BICD1: variants seen among roughly 807,000 people sequenced by gnomAD.
BICD1 encodes BICD cargo adaptor 1.
Under a neutral mutation model 92.5 loss-of-function variants are expected in BICD1, and 35 were observed. That is an observed-to-expected ratio of 0.38 (90% confidence interval 0.29 to 0.50). The LOEUF (loss-of-function observed/expected upper bound fraction) is 0.50. Among genes scored for constraint, BICD1 ranks in the 20% least tolerant of loss-of-function variants. BICD1 has a pLI of 0.93. For synonymous variants in BICD1, 429 were observed against 465.1 expected, an observed-to-expected ratio of 0.92 and a Z score of 1.00; for missense variants, 950 against 1,189.8, an observed-to-expected ratio of 0.80 and a Z score of 2.97.
At chr12:32,317,579 A>T (rs966423900) in intron 4 of BICD1, among the ~76,000 whole-genome samples, 10 of 152,138 alleles carry the variant, frequency 6.6e-5, no homozygotes, top group Admixed American at 1.3e-4. Context: ...GTAAATTTGT[A>T]TGAGTTCATT....
At chr12:32,115,387 GT>G (rs4035442) in intron 1 of BICD1, among the ~76,000 whole-genome samples, 78,736 of 142,414 alleles carry the variant, frequency 0.55, 21,811 homozygotes, top group Middle Eastern at 0.67. Context: ...GGTGTTTTTG[GT>G]TTTTTTTTTT....
intron 8 of BICD1, among the ~76,000 whole-genome samples, chr12:32,366,188 A>G (rs1298656506): frequency 6.6e-6 from 1 of 152,268 alleles, no homozygotes; most frequent in Non-Finnish European, 1.5e-5. Context: ...GAGTTATGTA[A>G]CTATATAGGC....
At position 32,106,915 on chromosome 12, in the gene BICD1, A is replaced by T; in HGVS notation, c.-417A>T. 5.8e-6 allele frequency: 1 copy of T among 172,248 alleles called. No individual in the cohort carries two copies. The highest frequency in any genetic ancestry group is 1.2e-5 in the Non-Finnish European group (1 of 83,780). 10.7% of individuals were successfully genotyped at this position (172,248 alleles called of 1,614,324 possible). The stretch of plus-strand genomic sequence containing the variant: ...AGCGAGAGAGCGAGCCGCGAGCCGG[A>T]GCGCGCCAGACCCAGGGCGAGACTG... On this transcript the variant is annotated 5_prime_UTR_variant, in exon 1 of 10. Coordinates refer to ENST00000652176, the MANE Select transcript of BICD1 (RefSeq NM_001714.4).
intron 3 of BICD1, among the ~76,000 whole-genome samples, chr12:32,298,569 C>CAAAAAAAAAA (rs56382132): frequency 3.9e-5 from 3 of 77,808 alleles, no homozygotes; most frequent in Admixed American, 1.7e-4. Flanking sequence ...CGATCCACCT[C>CAAAAAAAAAA]AAAAAAAAAA....
chr12:32,232,037 G>T (rs999339542), intron 2 of BICD1, among the ~76,000 whole-genome samples: 3 of 150,970 alleles, frequency 2.0e-5, no homozygotes, highest in Non-Finnish European at 3.0e-5. Context: ...GAATAATGCC[G>T]CAATAAACAT....
At chr12:32,241,918 G>T (rs1277906545) in intron 2 of BICD1, among the ~76,000 whole-genome samples, 1 of 151,970 alleles carries the variant, frequency 6.6e-6, no homozygotes, top group East Asian at 1.9e-4. Flanking sequence ...CACAAGACGG[G>T]ACATGGTAAG....
intron 2 of BICD1, among the ~76,000 whole-genome samples, chr12:32,240,964 A>G (rs1230657542): frequency 6.6e-6 from 1 of 152,088 alleles, no homozygotes; most frequent in Non-Finnish European, 1.5e-5. Context: ...TCACCCATTC[A>G]TTTATTTTGC....
intron 2 of BICD1, among the ~76,000 whole-genome samples, chr12:32,275,969 C>T (rs1947264480): frequency 6.6e-6 from 1 of 152,012 alleles, no homozygotes; most frequent in South Asian, 2.1e-4. Flanking sequence ...ACGAGGCTTG[C>T]CACCATCTTG....
At chr12:32,197,587 A>G (rs1477511228) in intron 1 of BICD1, among the ~76,000 whole-genome samples, 1 of 152,234 alleles carries the variant, frequency 6.6e-6, no homozygotes, top group East Asian at 1.9e-4. Flanking sequence ...GATGCTTCAT[A>G]TAAAGGAGGG....
chr12:32,190,518 T>C (rs1325417092), intron 1 of BICD1, among the ~76,000 whole-genome samples: 1 of 152,128 alleles, frequency 6.6e-6, no homozygotes, highest in East Asian at 1.9e-4. Context: ...CACTATATAA[T>C]AATAAAGAGG....
intron 2 of BICD1, among the ~76,000 whole-genome samples, chr12:32,285,674 T>C (rs541851197): frequency 6.6e-6 from 1 of 152,304 alleles, no homozygotes; most frequent in Admixed American, 6.5e-5. Context: ...CATCTCAGGC[T>C]AATCCCCTCT....
At chr12:32,374,734 A>ATTTTTTTTT (rs1179747608) in intron 9 of BICD1, among the ~76,000 whole-genome samples, 784 of 80,060 alleles carry the variant, frequency 9.8e-3, no homozygotes, top group Non-Finnish European at 0.012. Context: ...CGCCCGGCTA[A>ATTTTTTTTT]TTTTTTTTTT....
At chr12:32,115,688 A>G (rs1941866534) in intron 1 of BICD1, among the ~76,000 whole-genome samples, 1 of 152,184 alleles carries the variant, frequency 6.6e-6, no homozygotes, top group African/African-American at 2.4e-5. Flanking sequence ...AACTGATGGA[A>G]TTTGGATGCC....
Position 32,337,411 on chromosome 12 carries a change from T to G in BICD1, c.2253-88T>G. 7.8e-7 allele frequency: 1 copy of G among 1,282,586 alleles called. No individual in the cohort carries two copies. The highest frequency in any genetic ancestry group is 2.2e-5 in the Admixed American group (1 of 45,694). The allele number at this position is 1,282,586 out of a possible 1,614,324, so 79.5% of individuals were successfully genotyped here. ...AAACCAGTCTTCTAAATTTCTAAATTTCGGTCAAATTTATTACTTTTCAGC... is the reference window on the plus strand; with the variant it reads ...AAACCAGTCTTCTAAATTTCTAAATGTCGGTCAAATTTATTACTTTTCAGC... On this transcript the variant is annotated intron_variant, in intron 6 of 9. Transcript: ENST00000652176. This position sits in a 1 kb window ranked among gnomAD's most constrained non-coding sequence, Gnocchi z 4.7.
At chr12:32,297,730 T>C (rs1239675352) in intron 3 of BICD1, among the ~76,000 whole-genome samples, 1 of 152,214 alleles carries the variant, frequency 6.6e-6, no homozygotes, top group South Asian at 2.1e-4. Flanking sequence ...TTATTTTTCT[T>C]TTAGTTATTT....
intron 1 of BICD1, among the ~76,000 whole-genome samples, chr12:32,122,503 A>C (rs934288083): frequency 5.4e-4 from 81 of 148,692 alleles, no homozygotes; most frequent in African/African-American, 1.9e-3. Context: ...AAAAAAAAAA[A>C]CAAATAACAA....
intron 2 of BICD1, among the ~76,000 whole-genome samples, chr12:32,222,419 A>G (rs1211092525): frequency 1.3e-5 from 2 of 151,992 alleles, no homozygotes; most frequent in Non-Finnish European, 2.9e-5. Flanking sequence ...TTATACCCCT[A>G]TTTTACTGAT....
chr12:32,254,919 G>A (rs147366919), intron 2 of BICD1, among the ~76,000 whole-genome samples: 150 of 152,244 alleles, frequency 9.9e-4, no homozygotes, highest in African/African-American at 3.3e-3. Flanking sequence ...TGCATTCAGT[G>A]TTTTCATGAG....
chr12:32,126,751 G>A, intron 1 of BICD1, among the ~76,000 whole-genome samples: 1 of 151,956 alleles, frequency 6.6e-6, no homozygotes, highest in South Asian at 2.1e-4. Context: ...GACAGAGTGA[G>A]ACTCTGTTTA....
Sources: gnomAD v4.1 joint callset for allele counts (sites outside exome capture counted in the v4.1 genomes callset) on GRCh38, gnomAD v4.1.1 for gene constraint, Gnocchi (gnomAD v3.1) non-coding constraint, MANE v1.5 for transcripts, NCBI Gene and HGNC (gene_info 2026-07-23, HGNC 2026-07-21) for gene names.